The following PHACTR3 variants were observed in gnomAD, a reference collection of about 807,000 sequenced individuals.
PHACTR3 encodes the protein protein phosphatase 1, regulatory subunit 123.
PHACTR3 carries 16 observed loss-of-function variants against 66.8 expected under a neutral mutation model. That is an observed-to-expected ratio of 0.24 (90% CI 0.16 to 0.36). The LOEUF (loss-of-function observed/expected upper bound fraction) is 0.36. Among genes scored for constraint, PHACTR3 ranks in the 10% least tolerant of loss-of-function variants. PHACTR3 has a pLI of 1.00. For synonymous variants in PHACTR3, 323 were observed against 292.1 expected (o/e 1.11, Z -1.08); for missense variants, 647 against 719.9 (o/e 0.90, Z 1.16).
At chr20:59,592,473 T>C (rs2033212822) in intron 1 of PHACTR3, among the ~76,000 whole-genome samples, 1 of 152,168 alleles carries the variant, frequency 6.6e-6, no homozygotes, top group Non-Finnish European at 1.5e-5. Flanking sequence ...CAGTCCCTGG[T>C]TTACATTAGG....
At chr20:59,648,699 A>G (rs2035364528) in intron 1 of PHACTR3, among the ~76,000 whole-genome samples, 1 of 152,212 alleles carries the variant, frequency 6.6e-6, no homozygotes, top group African/African-American at 2.4e-5. Context: ...TCTGCTCAGC[A>G]ACATCCATCA....
At position 59,657,160 on chromosome 20, in the gene PHACTR3, T is replaced by C. The variant is rs148459355; in HGVS notation, c.118+52028T>C. The stretch of plus-strand genomic sequence containing the variant: ...TTCAAGTTACTGTCTTGTGTCATTT[T>C]CTTACTCCAATTCATCTTTGCTCCC... On this transcript the variant is annotated intron_variant, in intron 1 of 12. Coordinates refer to ENST00000371015, the MANE Select transcript of PHACTR3 (RefSeq NM_080672.5). Among the ~76,000 whole-genome samples, 1,166 of 152,206 alleles carry C rather than the reference T, an allele frequency of 7.7e-3. 17 individuals carry two copies. Among genetic ancestry groups the C allele is most frequent in the African/African-American group, 0.026 (1,097 of 41,588 alleles).
intron 1 of PHACTR3, among the ~76,000 whole-genome samples, chr20:59,681,601 A>G (rs73303146): frequency 6.6e-6 from 1 of 152,322 alleles, no homozygotes; most frequent in African/African-American, 2.4e-5. Flanking sequence ...ATCTCAACAG[A>G]CTGTTAGGGA....
Position 59,706,789 on chromosome 20 carries a change from G to A in PHACTR3, c.119-36318G>A, listed in dbSNP as rs759155700. On this transcript the variant is annotated intron_variant, in intron 1 of 12. Transcript: ENST00000371015. ...TTCTGTTTGAGCACCCAGACTAGAC[G>A]CACAGCAGGGAAACCATGCCCAGCC... Among the ~76,000 whole-genome samples the A allele has an allele frequency of 8.5e-5, 13 of 152,212 alleles. No individual in the cohort carries two copies. In the South Asian group the frequency reaches 1.2e-3, roughly 15 times the overall value.
chr20:59,651,494 A>G (rs1388206364), intron 1 of PHACTR3, among the ~76,000 whole-genome samples: 1 of 152,236 alleles, frequency 6.6e-6, no homozygotes, highest in African/African-American at 2.4e-5. Context: ...AAATCTGGCT[A>G]TATTTAGCAA....
Position 59,660,434 on chromosome 20 carries a change from C to T in PHACTR3, c.118+55302C>T, listed in dbSNP as rs1017359408. Among the ~76,000 whole-genome samples, 85 of 152,338 alleles carry T rather than the reference C, an allele frequency of 5.6e-4. 1 individual carries two copies. Among genetic ancestry groups the T allele is most frequent in the Middle Eastern group, 3.4e-3 (1 of 294 alleles). ...GCGTGAATCCGGGAGGCGGAGCTTG[C>T]AGTGAGCCGAGATTGCGCCACTGCA... is the stretch of plus-strand genomic sequence containing the variant. On this transcript the variant is annotated intron_variant, in intron 1 of 12. Transcript: ENST00000371015.
chr20:59,819,630 C>T (rs1266057154), intron 8 of PHACTR3, among the ~76,000 whole-genome samples: 2 of 152,182 alleles, frequency 1.3e-5, no homozygotes, highest in East Asian at 3.9e-4. Context: ...TTGCCACCCC[C>T]GTGTGTGGCC....
intron 1 of PHACTR3, among the ~76,000 whole-genome samples, chr20:59,623,064 C>T (rs1600939899): frequency 7.1e-6 from 1 of 141,592 alleles, no homozygotes; most frequent in Non-Finnish European, 1.5e-5. Context: ...TTCAAAAACA[C>T]TCCCCCACCC....
chr20:59,838,296 C>T (rs1384037976), intron 9 of PHACTR3, among the ~76,000 whole-genome samples: 1 of 152,174 alleles, frequency 6.6e-6, no homozygotes, highest in Non-Finnish European at 1.5e-5. Context: ...CTCATAGGCT[C>T]TAGATACACA....
chr20:59,774,116 A>G (rs2040447398), intron 6 of PHACTR3, 127 bp from the exon 7 acceptor site: 13 of 1,253,762 alleles, frequency 1.0e-5, no homozygotes, highest in Non-Finnish European at 1.2e-5. Context: ...TGTCCAGGAT[A>G]AAAACCAAGA....
chr20:59,809,520 A>G (rs2041672005), intron 8 of PHACTR3, among the ~76,000 whole-genome samples: 1 of 151,952 alleles, frequency 6.6e-6, no homozygotes, highest in Non-Finnish European at 1.5e-5. Flanking sequence ...CTTTATCTTA[A>G]TGATTTTTAG....
intron 1 of PHACTR3, among the ~76,000 whole-genome samples, chr20:59,630,318 G>A (rs752806537): frequency 3.8e-4 from 58 of 152,000 alleles, no homozygotes; most frequent in Non-Finnish European, 6.6e-4. Context: ...GAGTAGCTGG[G>A]ATTACAGGTG....
chr20:59,744,443 A>T (rs2039291291), intron 2 of PHACTR3, among the ~76,000 whole-genome samples: 1 of 152,198 alleles, frequency 6.6e-6, no homozygotes, highest in Admixed American at 6.5e-5. Context: ...CTGTGGAATC[A>T]GTCCCAGGCC....
At chr20:59,840,099 A>G (rs532806620) in intron 9 of PHACTR3, among the ~76,000 whole-genome samples, 2 of 152,300 alleles carry the variant, frequency 1.3e-5, no homozygotes, top group South Asian at 4.1e-4. Context: ...CAGCAGCCAT[A>G]TCTGTGGTTG....
intron 1 of PHACTR3, among the ~76,000 whole-genome samples, chr20:59,713,875 A>G (rs895230089): frequency 1.3e-5 from 2 of 151,996 alleles, no homozygotes; most frequent in African/African-American, 2.4e-5. Context: ...AGCAGCATGG[A>G]AGTTCTAGTT....
At chr20:59,687,455 A>G (rs1281017539) in intron 1 of PHACTR3, among the ~76,000 whole-genome samples, 4 of 152,200 alleles carry the variant, frequency 2.6e-5, no homozygotes, top group Non-Finnish European at 4.4e-5. Flanking sequence ...TAGGAAATGG[A>G]AGAGTCCAGC....
At chr20:59,807,409 G>T (rs1295553082) in intron 8 of PHACTR3, among the ~76,000 whole-genome samples, 1 of 152,222 alleles carries the variant, frequency 6.6e-6, no homozygotes, top group Admixed American at 6.5e-5. Context: ...ATCTTCAGGG[G>T]CAGTAACATG....
At chr20:59,768,820 C>T (rs1403165208) in intron 5 of PHACTR3, among the ~76,000 whole-genome samples, 5 of 152,328 alleles carry the variant, frequency 3.3e-5, no homozygotes, top group Admixed American at 1.3e-4. Flanking sequence ...TTAAGTATTC[C>T]AGTCTAACTG....
At chr20:59,634,336 C>G (rs1190522293) in intron 1 of PHACTR3, among the ~76,000 whole-genome samples, 1 of 152,212 alleles carries the variant, frequency 6.6e-6, no homozygotes, top group Non-Finnish European at 1.5e-5. Context: ...TTCCCTCCTT[C>G]ATAAAATGGG....
Sources: allele counts gnomAD v4.1 joint callset (sites outside exome capture counted in the v4.1 genomes callset), GRCh38; gene constraint gnomAD v4.1.1; transcripts MANE v1.5; gene names NCBI Gene and HGNC (gene_info 2026-07-23, HGNC 2026-07-21).